Variants in FAM117B observed in about 807,000 individuals in gnomAD.
The protein encoded by FAM117B is family with sequence similarity 117 member B.
FAM117B carries 22 observed loss-of-function variants against 52.8 expected under a neutral mutation model. That is an observed-to-expected ratio of 0.42 (90% confidence interval 0.30 to 0.59). The LOEUF (loss-of-function observed/expected upper bound fraction) is 0.59. FAM117B is among the 20% of genes least tolerant of loss of function. The pLI, the probability that FAM117B is intolerant of heterozygous loss-of-function variation, is 0.22. For missense variants in FAM117B, 678 were observed against 802.6 expected (o/e 0.84, Z 1.88); for synonymous variants, 309 against 324.1 (o/e 0.95, Z 0.50).
At chr2:202,668,112 AT>A (rs1281648813) in intron 1 of FAM117B, among the ~76,000 whole-genome samples, 1 of 145,352 alleles carries the variant, frequency 6.9e-6, no homozygotes, top group Non-Finnish European at 1.5e-5. Context: ...TATATAAAAA[AT>A]ATTTTTATAA....
Position 202,757,414 on chromosome 2 carries a change from CT to C in FAM117B, c.1307del (p.Leu436ArgfsTer67). 1 of 1,614,028 alleles carries C rather than the reference CT, an allele frequency of 6.2e-7. No individual in the cohort carries two copies. The highest frequency in any genetic ancestry group is 2.2e-5 in the East Asian group (1 of 44,880). On this transcript the variant is annotated frameshift_variant, in exon 6 of 8. Transcript: ENST00000392238. LOFTEE classifies it high-confidence loss of function. ...GGAGAGTCCTTGCTCAGCGGATGAC[CT>C]GCTTGTTGATCCCAGAGATAAAGGT... ...SEESPCSADD[L>X]LVDPRDKENG...
At chr2:202,727,567 A>G (rs1379767409) in intron 4 of FAM117B, among the ~76,000 whole-genome samples, 13 of 152,126 alleles carry the variant, frequency 8.5e-5, no homozygotes, top group Non-Finnish European at 1.0e-4. Context: ...TATGACAACT[A>G]TTTACATAGT....
intron 1 of FAM117B, among the ~76,000 whole-genome samples, chr2:202,685,858 T>G (rs1690531439): frequency 6.6e-6 from 1 of 152,222 alleles, no homozygotes; most frequent in Non-Finnish European, 1.5e-5. Flanking sequence ...CAAATCATCT[T>G]GACCTTGGAG....
intron 1 of FAM117B, among the ~76,000 whole-genome samples, chr2:202,687,166 T>C (rs1351517446): frequency 6.6e-6 from 1 of 152,222 alleles, no homozygotes; most frequent in Non-Finnish European, 1.5e-5. Flanking sequence ...TCATGGACAC[T>C]ATGCCGAGTG....
chr2:202,640,612 G>C (rs1441308563), intron 1 of FAM117B, among the ~76,000 whole-genome samples: 1 of 151,488 alleles, frequency 6.6e-6, no homozygotes, highest in Non-Finnish European at 1.5e-5. Context: ...ACACATTCAA[G>C]GGAATTCTTT....
intron 4 of FAM117B, among the ~76,000 whole-genome samples, chr2:202,740,571 C>G (rs1342461345): frequency 6.6e-6 from 1 of 152,072 alleles, no homozygotes; most frequent in Non-Finnish European, 1.5e-5. Flanking sequence ...TCTTAACCAG[C>G]TGCTGCCTAA....
intron 4 of FAM117B, among the ~76,000 whole-genome samples, chr2:202,737,782 C>T (rs551798345): frequency 3.3e-5 from 5 of 151,922 alleles, no homozygotes; most frequent in Admixed American, 3.3e-4. Context: ...TTGTATTTTT[C>T]GTAGAGACAG....
chr2:202,695,760 C>T lies in FAM117B; in HGVS notation c.602-121C>T, dbSNP rs565509856. 2.0e-5 allele frequency: 20 copies of T among 1,021,102 alleles called. No individual in the cohort carries two copies. The South Asian group carries it at 3.3e-4, about 17-fold the overall frequency. The allele number at this position is 1,021,102 out of a possible 1,614,324, so 63.3% of individuals were successfully genotyped here. A position where few individuals can be genotyped will look rare whatever the true frequency, so the allele number is the denominator to read the frequency against. On this transcript the variant is annotated intron_variant, in intron 1 of 7. Coordinates refer to ENST00000392238, the MANE Select transcript of FAM117B (RefSeq NM_173511.4). ...TTTACTGGGGGTCTTGGAAGTATCC[C>T]CTGTGGTTAAAGGGGATTACCATAG...
chr2:202,667,499 C>T (rs751246462), intron 1 of FAM117B, among the ~76,000 whole-genome samples: 3 of 151,836 alleles, frequency 2.0e-5, no homozygotes, highest in East Asian at 1.9e-4. Context: ...TGCGTGCGCG[C>T]GCATGTGCTG....
intron 2 of FAM117B, among the ~76,000 whole-genome samples, chr2:202,711,696 T>C (rs904988863): frequency 6.6e-6 from 1 of 152,214 alleles, no homozygotes; most frequent in African/African-American, 2.4e-5. Context: ...TTTAAATCTT[T>C]AATCCATTTT....
Position 202,640,340 on chromosome 2 carries a change from A to ATATATATATATATATG in FAM117B, c.601+4555_601+4556insATATATATATATGTAT, listed in dbSNP as rs1371719386. Reference sequence around the variant, plus strand: ...TATATATATATATATATATATATATATATGGCAAGTCGTGTTCTTGCTAGT... The same window carrying ATATATATATATATATG: ...TATATATATATATATATATATATATATATATATATATATATGTATGGCAAGTCGTGTTCTTGCTAGT... On this transcript the variant is annotated intron_variant, in intron 1 of 7. Coordinates refer to ENST00000392238, the MANE Select transcript of FAM117B (RefSeq NM_173511.4). Among the ~76,000 whole-genome samples the ATATATATATATATATG allele has an allele frequency of 1.9e-4, 20 of 105,720 alleles. 2 individuals are homozygous for ATATATATATATATATG. The highest frequency in any genetic ancestry group is 6.9e-4 in the African/African-American group (16 of 23,094). The allele number at this position is 105,720 out of a possible 152,430, so 69.4% of individuals were successfully genotyped here.
At chr2:202,698,787 T>G (rs1397698286) in intron 2 of FAM117B, among the ~76,000 whole-genome samples, 2 of 152,216 alleles carry the variant, frequency 1.3e-5, no homozygotes, top group African/African-American at 2.4e-5. Flanking sequence ...TCTGTAACTT[T>G]GCTGAGCTTA....
rs550161845 is a variant in FAM117B at position 202,746,428 on chromosome 2, C to T, written c.961-9110C>T. On this transcript the variant is annotated intron_variant, in intron 4 of 7. Transcript: ENST00000392238. ...GAAGCAAATGAAAATGCAAGTACAACATACCAAAACCTATGAGATACAGTA... is the reference window on the plus strand; with the variant it reads ...GAAGCAAATGAAAATGCAAGTACAATATACCAAAACCTATGAGATACAGTA... 5.9e-5 allele frequency among the ~76,000 whole-genome samples: 9 copies of T among 151,704 alleles called. No individual in the cohort carries two copies. The South Asian group carries it at 1.9e-3, about 32-fold the overall frequency.
intron 1 of FAM117B, among the ~76,000 whole-genome samples, chr2:202,648,083 A>C (rs1269946283): frequency 6.6e-6 from 1 of 152,176 alleles, no homozygotes; most frequent in Non-Finnish European, 1.5e-5. Context: ...TAATGTGCAC[A>C]TGATAAAAAT....
intron 2 of FAM117B, among the ~76,000 whole-genome samples, chr2:202,718,950 G>A (rs925911119): frequency 6.6e-6 from 1 of 152,086 alleles, no homozygotes; most frequent in Non-Finnish European, 1.5e-5. Context: ...GAAGCTCTTC[G>A]AGAATAAGAG....
chr2:202,682,037 C>T (rs76729279), intron 1 of FAM117B, among the ~76,000 whole-genome samples: 3,426 of 152,310 alleles, frequency 0.022, 124 homozygotes, highest in African/African-American at 0.078. Flanking sequence ...TTCAAAGGGA[C>T]AGCTTGACAG....
chr2:202,697,548 T>C (rs1297891166), intron 2 of FAM117B, among the ~76,000 whole-genome samples: 3 of 151,626 alleles, frequency 2.0e-5, no homozygotes, highest in African/African-American at 2.4e-5. Flanking sequence ...TTTTTTTCTT[T>C]CTTTTTTTTT....
chr2:202,655,624 G>A (rs1157722157), intron 1 of FAM117B, among the ~76,000 whole-genome samples: 13 of 151,650 alleles, frequency 8.6e-5, no homozygotes, highest in Admixed American at 8.6e-4. Flanking sequence ...AAGAGGTTAT[G>A]TAGCATTGAT....
rs67479326 is a variant in FAM117B at position 202,740,174 on chromosome 2, CA to C, written c.960+13839del. Among the ~76,000 whole-genome samples, 217 of 100,608 alleles carry C rather than the reference CA, an allele frequency of 2.2e-3. 2 individuals are homozygous for C. The highest frequency in any genetic ancestry group is 7.4e-3 in the African/African-American group (182 of 24,588). 66.0% of individuals were successfully genotyped at this position (100,608 alleles called of 152,430 possible). On this transcript the variant is annotated intron_variant, in intron 4 of 7. Transcript: ENST00000392238. ...GAGGACAGAGCGAGACTTCATCCCC[CA>C]AAAAAAAAAAAAAAAAAAAAAAAAA...
Sources: gnomAD v4.1 joint callset for allele counts (sites outside exome capture counted in the v4.1 genomes callset) on GRCh38, gnomAD v4.1.1 for gene constraint, MANE v1.5 for transcripts, NCBI Gene and HGNC (gene_info 2026-07-23, HGNC 2026-07-21) for gene names.